ATL2: variants seen among roughly 807,000 people sequenced by gnomAD.
ATL2 encodes atlastin GTPase 2, also known as atlastin-2.
ATL2 carries 31 observed loss-of-function variants against 73.9 expected under a neutral mutation model. The observed-to-expected ratio is 0.42, with a 90% confidence interval of 0.32 to 0.57. The LOEUF (loss-of-function observed/expected upper bound fraction) is 0.57. Among genes scored for constraint, ATL2 ranks in the 20% least tolerant of loss-of-function variants. The pLI, the probability that ATL2 is intolerant of heterozygous loss-of-function variation, is 0.14. For synonymous variants in ATL2, 291 were observed against 237.5 expected (o/e 1.23, Z -2.07); for missense variants, 738 against 702.6 (o/e 1.05, Z -0.57).
chr2:38,313,352 T>C (rs1293537832), intron 6 of ATL2, 109 bp from the exon 7 acceptor site: 3 of 760,444 alleles, frequency 3.9e-6, no homozygotes, highest in Admixed American at 2.9e-5. Flanking sequence ...ACAATCCTTA[T>C]CAAAAGTTAT....
chr2:38,313,267 T>G, intron 6 of ATL2, 24 bp from the exon 7 acceptor site: 1 of 1,541,060 alleles, frequency 6.5e-7, no homozygotes, highest in Non-Finnish European at 8.8e-7. Flanking sequence ...AAATAAAAAT[T>G]GTTTATTTTA....
chr2:38,366,553 C>T (rs1291766084), intron 1 of ATL2, among the ~76,000 whole-genome samples: 4 of 152,146 alleles, frequency 2.6e-5, no homozygotes, highest in Non-Finnish European at 4.4e-5. Flanking sequence ...GCATAGCCTA[C>T]ACTTTGCTCT....
At chr2:38,303,124 C>G (rs1369255356) in intron 9 of ATL2, among the ~76,000 whole-genome samples, 2 of 152,142 alleles carry the variant, frequency 1.3e-5, no homozygotes, top group African/African-American at 4.8e-5. Flanking sequence ...AACAAAGAGA[C>G]TGAAATAATT....
At chr2:38,318,843 C>A in intron 3 of ATL2, 42 bp downstream of exon 3, 2 of 1,585,190 alleles carry the variant, frequency 1.3e-6, no homozygotes, top group Middle Eastern at 1.7e-4. Context: ...GAAAATAGCC[C>A]AAGAAAGAAT....
intron 2 of ATL2, among the ~76,000 whole-genome samples, chr2:38,343,047 C>T (rs1381060358): frequency 7.0e-6 from 1 of 142,026 alleles, no homozygotes; most frequent in African/African-American, 2.6e-5. Flanking sequence ...TCTCGGGAGG[C>T]TGAGGTGGGA....
At chr2:38,366,934 C>G (rs1206225169) in intron 1 of ATL2, among the ~76,000 whole-genome samples, 1 of 152,150 alleles carries the variant, frequency 6.6e-6, no homozygotes, top group Non-Finnish European at 1.5e-5. Context: ...CATGTCCTAC[C>G]CTCAAGAGAA....
At chr2:38,362,398 T>C (rs1282487056) in intron 1 of ATL2, among the ~76,000 whole-genome samples, 2 of 152,212 alleles carry the variant, frequency 1.3e-5, no homozygotes, top group Non-Finnish European at 2.9e-5. Context: ...ACTGAGTTAA[T>C]ACTGTCAATA....
At chr2:38,304,046 T>C (rs1667324957) in intron 9 of ATL2, among the ~76,000 whole-genome samples, 1 of 152,114 alleles carries the variant, frequency 6.6e-6, no homozygotes, top group African/African-American at 2.4e-5. Context: ...GGAGGATCAC[T>C]TGAGGCCAGG....
chr2:38,359,888 G>A (rs561858239), intron 1 of ATL2, among the ~76,000 whole-genome samples: 1 of 152,188 alleles, frequency 6.6e-6, no homozygotes, highest in South Asian at 2.1e-4. Context: ...AGCCCTTTGG[G>A]AGGCCGAGGC....
chr2:38,330,937 A>G (rs1668951049), intron 2 of ATL2, among the ~76,000 whole-genome samples: 1 of 152,184 alleles, frequency 6.6e-6, no homozygotes, highest in South Asian at 2.1e-4. Context: ...AAAAGAACAA[A>G]ATGGGACTCA....
At chr2:38,297,013 T>G (rs1666932068) in intron 12 of ATL2, among the ~76,000 whole-genome samples, 1 of 152,222 alleles carries the variant, frequency 6.6e-6, no homozygotes, top group African/African-American at 2.4e-5. Context: ...GCATCCATCT[T>G]CTATTAGAAG....
intron 1 of ATL2, among the ~76,000 whole-genome samples, chr2:38,368,785 A>T (rs1294833706): frequency 6.6e-6 from 1 of 152,240 alleles, no homozygotes; most frequent in Non-Finnish European, 1.5e-5. Context: ...AAATATTAAA[A>T]AGCAATTAAT....
At chr2:38,335,209 G>T (rs1669283084) in intron 2 of ATL2, among the ~76,000 whole-genome samples, 1 of 151,658 alleles carries the variant, frequency 6.6e-6, no homozygotes, top group African/African-American at 2.4e-5. Flanking sequence ...AAGTAAACGG[G>T]TATTTCCCCC....
intron 1 of ATL2, among the ~76,000 whole-genome samples, chr2:38,374,297 C>T (rs1480162414): frequency 1.3e-5 from 2 of 152,190 alleles, no homozygotes; most frequent in Non-Finnish European, 2.9e-5. Context: ...AATGAATTCA[C>T]TGTGGAATCA....
At position 38,318,904 on chromosome 2, in the gene ATL2, T is replaced by C. The variant is rs1668173708; in HGVS notation, c.479A>G (p.Asp160Gly). The C allele has an allele frequency of 6.2e-7, 1 of 1,613,612 alleles. No homozygotes were observed. ...IQVWNEVFVI[D>G]RPNGTKVAVL... The stretch of plus-strand genomic sequence containing the variant: ...TTTTACTTTAGTTCCATTAGGTCTG[T>C]CAATCACAAATACTTCATTCCAAAC... The change falls in exon 3 of 13, where the codon GAC becomes GGC. Residue 160 changes from aspartate (D) to glycine (G), a missense_variant. Physicochemically the swap from Asp to Gly is moderately conservative, Grantham distance 94. Coordinates refer to ENST00000378954, the MANE Select transcript of ATL2 (RefSeq NM_001135673.4).
At chr2:38,343,990 T>C (rs1169874575) in intron 1 of ATL2, among the ~76,000 whole-genome samples, 1 of 152,196 alleles carries the variant, frequency 6.6e-6, no homozygotes, top group Non-Finnish European at 1.5e-5. Flanking sequence ...ATTAAACCTC[T>C]TTCTTTTGTA....
At chr2:38,323,297 A>G (rs573346884) in intron 2 of ATL2, among the ~76,000 whole-genome samples, 4 of 151,880 alleles carry the variant, frequency 2.6e-5, no homozygotes, top group Non-Finnish European at 5.9e-5. Context: ...GAAAAAAAGA[A>G]GTATTTATAG....
At chr2:38,374,367 T>C (rs1671848933) in intron 1 of ATL2, among the ~76,000 whole-genome samples, 1 of 152,194 alleles carries the variant, frequency 6.6e-6, no homozygotes, top group South Asian at 2.1e-4. Context: ...TCAAATTTTC[T>C]AGAAAGTAAA....
intron 2 of ATL2, among the ~76,000 whole-genome samples, chr2:38,331,890 G>A (rs967758496): frequency 7.3e-5 from 11 of 151,676 alleles, no homozygotes; most frequent in African/African-American, 2.4e-4. Flanking sequence ...TATGATTATA[G>A]CATTATTCCT....
Sources: gnomAD v4.1 joint callset for allele counts (sites outside exome capture counted in the v4.1 genomes callset) on GRCh38, gnomAD v4.1.1 for gene constraint, MANE v1.5 for transcripts, NCBI Gene and HGNC (gene_info 2026-07-23, HGNC 2026-07-21) for gene names.